The following ARHGAP44 variants were observed in gnomAD, a reference collection of about 807,000 sequenced individuals.
The protein encoded by ARHGAP44 is Rho GTPase activating protein 44.
Under a neutral mutation model 106.8 loss-of-function variants are expected in ARHGAP44, and 43 were observed. The observed-to-expected ratio is 0.40, with a 90% CI of 0.32 to 0.52. The LOEUF is 0.52. Ranked by LOEUF, ARHGAP44 falls within the 20% of genes least tolerant of loss-of-function variation. The pLI, the probability that ARHGAP44 is intolerant of heterozygous loss-of-function variation, is 0.48. For synonymous variants in ARHGAP44, 439 were observed against 410.3 expected (o/e 1.07, Z -0.85); for missense variants, 866 against 1,050.5 (o/e 0.82, Z 2.43).
chr17:12,914,047 A>G (rs2037828416), intron 4 of ARHGAP44, among the ~76,000 whole-genome samples: 1 of 151,284 alleles, frequency 6.6e-6, no homozygotes, highest in African/African-American at 2.4e-5. Flanking sequence ...CATTTGTAGC[A>G]GATAGGAAAA....
chr17:12,953,586 C>T (rs563623013), intron 13 of ARHGAP44, among the ~76,000 whole-genome samples: 1 of 152,286 alleles, frequency 6.6e-6, no homozygotes, highest in African/African-American at 2.4e-5. Flanking sequence ...TTCGTAGCAG[C>T]AGTGTTCATG....
rs1365158358 is a variant in ARHGAP44, at chr17:12,847,998, A to G, written c.54-46942A>G. ...ATGAGCCTTGTTATTATTAGTGTGC[A>G]CTTTTGCCTAATGTGTCGTTTTTCA... On this transcript the variant is annotated intron_variant, in intron 1 of 20. Transcript: ENST00000379672. Among the ~76,000 whole-genome samples, 14 of 152,202 alleles carry G rather than the reference A, an allele frequency of 9.2e-5. No homozygotes were observed. In the East Asian group the frequency reaches 2.7e-3, roughly 29 times the overall value.
At chr17:12,986,867 C>T (rs972311169) in intron 20 of ARHGAP44, 6 of 433,884 alleles carry the variant, frequency 1.4e-5, no homozygotes, top group African/African-American at 1.2e-4. Context: ...TCCTGACCTT[C>T]AGGATTCATA....
intron 7 of ARHGAP44, among the ~76,000 whole-genome samples, chr17:12,932,434 T>G (rs1321639380): frequency 6.6e-6 from 1 of 152,222 alleles, no homozygotes; most frequent in Non-Finnish European, 1.5e-5. Context: ...TTTTAAACTT[T>G]TTTCTGCCTG....
At chr17:12,973,265 T>G in intron 16 of ARHGAP44, 37 bp from the exon 17 acceptor site, 1 of 1,596,502 alleles carries the variant, frequency 6.3e-7, no homozygotes, top group Non-Finnish European at 8.5e-7. Flanking sequence ...GGCCTAGATT[T>G]TTTGAAACTA....
chr17:12,938,580 A>AT (rs11450787), intron 7 of ARHGAP44, among the ~76,000 whole-genome samples: 45,277 of 120,574 alleles, frequency 0.38, 7,780 homozygotes, highest in African/African-American at 0.47. Context: ...TTAGCTATAT[A>AT]TTAAAAAAAA....
intron 14 of ARHGAP44, 65 bp downstream of exon 14, chr17:12,956,045 G>T: frequency 1.6e-6 from 2 of 1,236,022 alleles, no homozygotes; most frequent in Non-Finnish European, 2.4e-6. Context: ...AGCAGGGTGG[G>T]CAGGACAGCT....
chr17:12,931,937 A>G lies in ARHGAP44; in HGVS notation c.582+2891A>G, dbSNP rs974016332. 9.9e-5 allele frequency among the ~76,000 whole-genome samples: 15 copies of G among 151,582 alleles called. No individual in the cohort carries two copies. The South Asian group carries it at 2.7e-3, about 27-fold the overall frequency. ...ATGGATGTTCAAACTGGTGTGTTTT[A>G]GTTTTAGTTTTTGGCATTCCCAAAA... On this transcript the variant is annotated intron_variant, in intron 7 of 20. Coordinates refer to ENST00000379672, the MANE Select transcript of ARHGAP44 (RefSeq NM_014859.6).
At chr17:12,969,335 T>C (rs921265197) in intron 16 of ARHGAP44, among the ~76,000 whole-genome samples, 8 of 152,232 alleles carry the variant, frequency 5.3e-5, no homozygotes, top group Non-Finnish European at 1.2e-4. Context: ...GCTTGGCACC[T>C]ATAAGCACAA....
chr17:12,921,924 A>G (rs1339103380), intron 6 of ARHGAP44, among the ~76,000 whole-genome samples: 1 of 152,172 alleles, frequency 6.6e-6, no homozygotes, highest in East Asian at 1.9e-4. Flanking sequence ...AAGACCAGAC[A>G]TAAAACAGGT....
At chr17:12,793,711 CA>C (rs777188771) in intron 1 of ARHGAP44, among the ~76,000 whole-genome samples, 178 of 129,308 alleles carry the variant, frequency 1.4e-3, no homozygotes, top group Non-Finnish European at 1.7e-3. Context: ...CCATCTCACA[CA>C]AAAAAAAAAA....
intron 5 of ARHGAP44, chr17:12,917,178 C>A (rs1285115589): frequency 6.5e-6 from 1 of 154,352 alleles, no homozygotes; most frequent in Non-Finnish European, 1.5e-5. Context: ...AGAGAACCAA[C>A]AGGATATATG....
chr17:12,919,713 G>T, intron 5 of ARHGAP44, 42 bp from the exon 6 acceptor site: 2 of 1,554,402 alleles, frequency 1.3e-6, no homozygotes, highest in South Asian at 1.2e-5. Context: ...AATTTATCTT[G>T]AGCTTCAGTT....
chr17:12,906,115 C>A (rs2037537481), intron 3 of ARHGAP44, among the ~76,000 whole-genome samples: 1 of 152,156 alleles, frequency 6.6e-6, no homozygotes, highest in Non-Finnish European at 1.5e-5. Flanking sequence ...CCCAGGAGGA[C>A]AAAAATCACC....
intron 20 of ARHGAP44, chr17:12,985,177 G>C: frequency 2.4e-6 from 1 of 418,164 alleles, no homozygotes; most frequent in Non-Finnish European, 4.2e-6. Flanking sequence ...TCTTATTATC[G>C]GGGGTTGAAG....
chr17:12,808,858 T>G (rs530193405), intron 1 of ARHGAP44, among the ~76,000 whole-genome samples: 1 of 152,234 alleles, frequency 6.6e-6, no homozygotes, highest in Non-Finnish European at 1.5e-5. Flanking sequence ...GCAAATTTTC[T>G]GAACTTTTAT....
chr17:12,846,748 T>G (rs946778661), intron 1 of ARHGAP44, among the ~76,000 whole-genome samples: 1 of 152,212 alleles, frequency 6.6e-6, no homozygotes, highest in Non-Finnish European at 1.5e-5. Context: ...AAAAACAGAA[T>G]GAATGAAAAA....
In ARHGAP44 at chr17:12,971,369, C is replaced by G. The variant is rs374425251; in HGVS notation, c.1524-1933C>G. 3.7e-4 allele frequency among the ~76,000 whole-genome samples: 57 copies of G among 152,112 alleles called. 1 individual carries two copies. Among genetic ancestry groups the G allele is most frequent in the African/African-American group, 1.2e-3 (48 of 41,512 alleles). ...TCTCACCAGGTGGGAAAGCCTTTTT[C>G]AAGTAGAAGAGAAAGGGGCAAGGAA... On this transcript the variant is annotated intron_variant, in intron 16 of 20. Coordinates refer to ENST00000379672, the MANE Select transcript of ARHGAP44 (RefSeq NM_014859.6).
chr17:12,822,110 A>G (rs1001999617), intron 1 of ARHGAP44, among the ~76,000 whole-genome samples: 3 of 152,152 alleles, frequency 2.0e-5, no homozygotes, highest in African/African-American at 7.2e-5. Flanking sequence ...CAATATATAA[A>G]GGGTTGGCAA....
Sources: allele counts gnomAD v4.1 joint callset (sites outside exome capture counted in the v4.1 genomes callset), GRCh38; gene constraint gnomAD v4.1.1; transcripts MANE v1.5; gene names NCBI Gene and HGNC (gene_info 2026-07-23, HGNC 2026-07-21).